Variants in ADGRB3 observed in about 807,000 individuals in gnomAD.
ADGRB3 encodes the protein adhesion G protein-coupled receptor B3.
A neutral mutation model predicts 193.4 loss-of-function variants in ADGRB3; 37 were observed. That is an observed-to-expected ratio of 0.19 (90% confidence interval 0.15 to 0.25). The LOEUF is 0.25. Among genes scored for constraint, ADGRB3 ranks in the 10% least tolerant of loss-of-function variants. ADGRB3 has a pLI of 1.00. For missense variants in ADGRB3, 1,637 were observed against 1,852.9 expected, an observed-to-expected ratio of 0.88 and a Z score of 2.14; for synonymous variants, 690 against 644.2, an observed-to-expected ratio of 1.07 and a Z score of -1.08.
intron 6 of ADGRB3, among the ~76,000 whole-genome samples, chr6:68,944,281 G>A (rs1015659551): frequency 1.3e-5 from 2 of 151,726 alleles, no homozygotes; most frequent in African/African-American, 4.8e-5. Context: ...TTTCCTTCTG[G>A]GAAAATTACA....
chr6:69,369,695 CAAAAA>C (rs913608447), intron 29 of ADGRB3, among the ~76,000 whole-genome samples: 2 of 59,520 alleles, frequency 3.4e-5, no homozygotes, highest in Admixed American at 3.1e-4. Context: ...AAGACCATTT[CAAAAA>C]AAAAAAAAAA....
chr6:69,343,178 T>C (rs2127321662), intron 26 of ADGRB3, among the ~76,000 whole-genome samples: 1 of 151,768 alleles, frequency 6.6e-6, no homozygotes, highest in Non-Finnish European at 1.5e-5. Context: ...TTCCTGCCTT[T>C]GTAATTCTTT....
intron 17 of ADGRB3, among the ~76,000 whole-genome samples, chr6:69,091,832 T>C (rs1772718739): frequency 6.6e-6 from 1 of 152,176 alleles, no homozygotes; most frequent in East Asian, 1.9e-4. Context: ...TTCCATATAG[T>C]CTATTAATTT....
chr6:69,235,732 AT>A (rs1049861192), intron 19 of ADGRB3, among the ~76,000 whole-genome samples: 5 of 151,922 alleles, frequency 3.3e-5, no homozygotes, highest in Non-Finnish European at 7.4e-5. Flanking sequence ...TTATTGAAAA[AT>A]TTTTTTCTAC....
At chr6:68,727,801 T>C (rs1248973890) in intron 3 of ADGRB3, among the ~76,000 whole-genome samples, 4 of 151,570 alleles carry the variant, frequency 2.6e-5, no homozygotes, top group African/African-American at 9.7e-5. Flanking sequence ...TTGGGAATTA[T>C]TTGTGTGAAT....
chr6:69,005,607 G>C (rs1194591221), intron 11 of ADGRB3, among the ~76,000 whole-genome samples: 38 of 151,994 alleles, frequency 2.5e-4, no homozygotes, highest in Non-Finnish European at 5.9e-5. Context: ...ACCATTCCCG[G>C]CCGACCTAGT....
At chr6:69,143,604 A>G (rs915416479) in intron 17 of ADGRB3, among the ~76,000 whole-genome samples, 1 of 152,142 alleles carries the variant, frequency 6.6e-6, no homozygotes, top group African/African-American at 2.4e-5. Context: ...GCATATGGAT[A>G]TCCGGCTTTC....
At chr6:69,379,076 A>C (rs9351751) in intron 30 of ADGRB3, among the ~76,000 whole-genome samples, 19,151 of 152,042 alleles carry the variant, frequency 0.13, 1,282 homozygotes, top group Middle Eastern at 0.31. Flanking sequence ...GCTTCAAGAA[A>C]TGTTGCGTGA....
intron 3 of ADGRB3, among the ~76,000 whole-genome samples, chr6:68,916,446 A>C (rs1467356227): frequency 6.6e-6 from 1 of 152,090 alleles, no homozygotes; most frequent in African/African-American, 2.4e-5. Context: ...TCAGTTGCTT[A>C]CCAGGCAAAA....
rs1768715636 is a variant in ADGRB3, at chr6:68,975,444, T to TA, written c.1734+110dup. ...TGTACAATCAAATCAGTAACATCTC[T>TA]AAAAAAGAAATGCCTGAAGGAGAAA... On this transcript the variant is annotated intron_variant, in intron 10 of 31. Coordinates refer to ENST00000370598, the MANE Select transcript of ADGRB3 (RefSeq NM_001704.3). 9 of 815,756 alleles carry TA rather than the reference T, an allele frequency of 1.1e-5. No individual in the cohort carries two copies. The South Asian group carries it at 1.7e-4, about 15-fold the overall frequency. The allele number at this position is 815,756 out of a possible 1,614,324, so 50.5% of individuals were successfully genotyped here. A position where few individuals can be genotyped will look rare whatever the true frequency, so the allele number is the denominator to read the frequency against.
chr6:69,038,320 G>A (rs1043269971), intron 13 of ADGRB3, among the ~76,000 whole-genome samples: 1 of 131,192 alleles, frequency 7.6e-6, no homozygotes, highest in Non-Finnish European at 1.7e-5. Flanking sequence ...ATGATATCAT[G>A]AATACACAGA....
intron 17 of ADGRB3, among the ~76,000 whole-genome samples, chr6:69,095,419 C>T (rs1373595185): frequency 6.6e-6 from 1 of 151,870 alleles, no homozygotes; most frequent in Admixed American, 6.6e-5. Context: ...AGGGGCATGG[C>T]TGGCAGTGGC....
intron 17 of ADGRB3, among the ~76,000 whole-genome samples, chr6:69,085,163 T>C (rs1050413109): frequency 6.6e-6 from 1 of 152,120 alleles, no homozygotes; most frequent in African/African-American, 2.4e-5. Flanking sequence ...GTCTCTACTG[T>C]GTGAAATGTA....
intron 20 of ADGRB3, among the ~76,000 whole-genome samples, chr6:69,273,780 C>T (rs1767231279): frequency 6.6e-6 from 1 of 152,192 alleles, no homozygotes; most frequent in African/African-American, 2.4e-5. Flanking sequence ...GGTTCTACTG[C>T]TGCTAGTGGG....
intron 3 of ADGRB3, among the ~76,000 whole-genome samples, chr6:68,679,145 T>C (rs933347998): frequency 2.0e-5 from 3 of 152,200 alleles, no homozygotes; most frequent in Admixed American, 6.5e-5. Flanking sequence ...TTGTTAGATA[T>C]AAAAATATTC....
chr6:69,055,006 A>G lies in ADGRB3; in HGVS notation c.2333+5660A>G, dbSNP rs1402105627. Among the ~76,000 whole-genome samples, 3 of 152,184 alleles carry G rather than the reference A, an allele frequency of 2.0e-5. No individual in the cohort carries two copies. The East Asian group carries it at 5.8e-4, about 29-fold the overall frequency. ...CATGAACTATAAATCTAAAAATGGAAAAGGACTATAGTAACTTTACTAACT... is the reference window on the plus strand; with the variant it reads ...CATGAACTATAAATCTAAAAATGGAGAAGGACTATAGTAACTTTACTAACT... On this transcript the variant is annotated intron_variant, in intron 15 of 31. Coordinates refer to ENST00000370598, the MANE Select transcript of ADGRB3 (RefSeq NM_001704.3).
In ADGRB3 at chr6:69,346,556, A is replaced by G. The variant is rs1287874888; in HGVS notation, c.3459+7052A>G. ...AAGTGAGGAAAGGATATGAACAGAC[A>G]CTTTTCAAAAGAAGACATTTATGCA... On this transcript the variant is annotated intron_variant, in intron 26 of 31. Coordinates refer to ENST00000370598, the MANE Select transcript of ADGRB3 (RefSeq NM_001704.3). Among the ~76,000 whole-genome samples, 4 of 152,108 alleles carry G rather than the reference A, an allele frequency of 2.6e-5. 1 individual carries two copies. Among genetic ancestry groups the G allele is most frequent in the East Asian group, 3.9e-4 (2 of 5,166 alleles).
intron 8 of ADGRB3, among the ~76,000 whole-genome samples, chr6:68,968,544 A>G (rs1562104154): frequency 2.0e-5 from 3 of 152,230 alleles, no homozygotes; most frequent in Admixed American, 6.5e-5. Context: ...AAAACCAAAA[A>G]GATAGTACAA....
intron 3 of ADGRB3, among the ~76,000 whole-genome samples, chr6:68,874,971 C>A (rs920922503): frequency 6.6e-6 from 1 of 152,172 alleles, no homozygotes; most frequent in African/African-American, 2.4e-5. Context: ...CCCCTCAATG[C>A]CTTAATGACA....
Sources: gnomAD v4.1 joint callset for allele counts (sites outside exome capture counted in the v4.1 genomes callset) on GRCh38, gnomAD v4.1.1 for gene constraint, MANE v1.5 for transcripts, NCBI Gene and HGNC (gene_info 2026-07-23, HGNC 2026-07-21) for gene names.